The following RASA3 variants were observed in gnomAD, a reference collection of about 807,000 sequenced individuals.
RASA3 encodes the protein RAS p21 protein activator 3.
RASA3 carries 73 observed loss-of-function variants against 110.0 expected under a neutral mutation model. That is an observed-to-expected ratio of 0.66 (90% CI 0.55 to 0.81). The LOEUF is 0.81. RASA3 is among the 30% of genes least tolerant of loss of function. RASA3 has a pLI of 0.00. For synonymous variants in RASA3, 500 were observed against 451.4 expected (o/e 1.11, Z -1.37); for missense variants, 976 against 1,113.2 (o/e 0.88, Z 1.75).
intron 3 of RASA3, among the ~76,000 whole-genome samples, chr13:114,041,779 C>T (rs549247097): frequency 3.9e-5 from 6 of 152,244 alleles, no homozygotes; most frequent in African/African-American, 1.2e-4. Context: ...CACCTTCCCA[C>T]GCGACGTGGG....
In RASA3 at chr13:114,011,322, G is replaced by A. The variant is rs1305525198; in HGVS notation, c.1513-74C>T. On this transcript the variant is annotated intron_variant, in intron 15 of 23. Coordinates refer to ENST00000334062, the MANE Select transcript of RASA3 (RefSeq NM_007368.4). The surrounding 1 kb of genome is among the most constrained non-coding windows in gnomAD (Gnocchi z 4.8). ...TGTGACTGTCCCAGATCGAGGGGAC[G>A]AAATGCAGGAGTCACCTCAGAGCTG... 6.2e-6 allele frequency: 8 copies of A among 1,288,934 alleles called. No homozygotes were observed. The highest frequency in any genetic ancestry group is 2.5e-5 in the South Asian group (2 of 80,666). 79.8% of individuals were successfully genotyped at this position (1,288,934 alleles called of 1,614,324 possible). A position where few individuals can be genotyped will look rare whatever the true frequency, so the allele number is the denominator to read the frequency against.
At chr13:114,025,994 G>C (rs3818623) in intron 7 of RASA3, among the ~76,000 whole-genome samples, 1 of 151,930 alleles carries the variant, frequency 6.6e-6, no homozygotes, top group Non-Finnish European at 1.5e-5. Flanking sequence ...GGCCCCGCGC[G>C]TCCCACACAG....
chr13:114,093,388 C>T (rs755284334), intron 1 of RASA3, among the ~76,000 whole-genome samples: 1 of 152,240 alleles, frequency 6.6e-6, no homozygotes, highest in East Asian at 1.9e-4. Flanking sequence ...TATCATCCCA[C>T]TCCCTCCTGG....
intron 13 of RASA3, among the ~76,000 whole-genome samples, chr13:114,015,964 C>A (rs1001931012): frequency 6.6e-6 from 1 of 152,030 alleles, no homozygotes; most frequent in Non-Finnish European, 1.5e-5. Flanking sequence ...AAGAGCTGGC[C>A]GGGACCCCCC....
chr13:113,999,993 A>C (rs1302611298), intron 19 of RASA3, among the ~76,000 whole-genome samples: 1 of 18,888 alleles, frequency 5.3e-5, no homozygotes. Context: ...CTGTCAGGGG[A>C]TCTCTACCGG....
chr13:114,031,555 C>T (rs1452190861), intron 4 of RASA3, among the ~76,000 whole-genome samples: 2 of 151,122 alleles, frequency 1.3e-5, no homozygotes, highest in Non-Finnish European at 3.0e-5. Context: ...TGTGTTTGTC[C>T]GCCTGTCTGT....
chr13:114,099,485 C>A lies in RASA3; in HGVS notation c.56-25648G>T, dbSNP rs532009060. Among the ~76,000 whole-genome samples, 10 of 151,884 alleles carry A rather than the reference C, an allele frequency of 6.6e-5. No individual in the cohort carries two copies. In the South Asian group the frequency reaches 2.1e-3, roughly 32 times the overall value. On this transcript the variant is annotated intron_variant, in intron 1 of 23. Transcript: ENST00000334062. ...CCGGGGTGTCCGGGAATGACTCAGGCCTCTGGTCAGCGCTTCTCAGACCTG... is the reference window on the plus strand; with the variant it reads ...CCGGGGTGTCCGGGAATGACTCAGGACTCTGGTCAGCGCTTCTCAGACCTG...
chr13:114,035,351 T>C (rs953648905), intron 4 of RASA3, among the ~76,000 whole-genome samples: 1 of 152,192 alleles, frequency 6.6e-6, no homozygotes, highest in Non-Finnish European at 1.5e-5. Flanking sequence ...GCTGCACTCC[T>C]GCGAACTCAC....
intron 2 of RASA3, 122 bp from the exon 3 acceptor site, chr13:114,052,277 G>T (rs756580513): frequency 9.5e-6 from 6 of 633,838 alleles, no homozygotes; most frequent in Non-Finnish European, 1.7e-5. Flanking sequence ...TGTGTGGCAC[G>T]CATGAGACAT....
At position 114,000,836 on chromosome 13, in the gene RASA3, G is replaced by C; in HGVS notation, c.1839C>G (p.His613Gln). Reference sequence around the variant, plus strand: ...GACCTTGCTCCTTACCTTTGCTTTTGTGGTAGGTAAATTCATGGTTGGTCA... The same window carrying C: ...GACCTTGCTCCTTACCTTTGCTTTTCTGGTAGGTAAATTCATGGTTGGTCA... ...FRLTNHEFTYHKSKGDQPLYS... is the reference protein window; with the variant it reads ...FRLTNHEFTYQKSKGDQPLYS... The change falls in exon 19 of 24, where the codon CAC becomes CAG. Residue 613 changes from histidine to glutamine, a missense_variant. His to Gln is a conservative substitution (Grantham distance 24). Around this residue, in one of 4 missense-constraint regions of RASA3, gnomAD observed 109 missense variants for 162.5 expected, o/e 0.67. Transcript: ENST00000334062. The C allele has an allele frequency of 6.2e-7, 1 of 1,609,078 alleles. No homozygotes were observed. The highest frequency in any genetic ancestry group is 8.5e-7 in the Non-Finnish European group (1 of 1,175,474).
intron 3 of RASA3, 134 bp from the exon 4 acceptor site, chr13:114,041,228 CGGGG>C: frequency 1.3e-6 from 1 of 777,346 alleles, no homozygotes; most frequent in Non-Finnish European, 2.1e-6. Flanking sequence ...CGGCCGGGTG[CGGGG>C]CTCATGCCTG....
At chr13:114,073,875 G>A in intron 1 of RASA3, 38 bp from the exon 2 acceptor site, 1 of 1,518,908 alleles carries the variant, frequency 6.6e-7, no homozygotes, top group South Asian at 1.1e-5. Flanking sequence ...CAGCAGCGTA[G>A]AAATGTTTGT....
Position 114,021,259 on chromosome 13 carries a change from G to T in RASA3, c.785+145C>A, listed in dbSNP as rs2053921911. 25 of 671,968 alleles carry T rather than the reference G, an allele frequency of 3.7e-5. 1 individual carries two copies. In the South Asian group the frequency reaches 4.7e-4, roughly 13 times the overall value. The allele number at this position is 671,968 out of a possible 1,614,324, so 41.6% of individuals were successfully genotyped here. A position where few individuals can be genotyped will look rare whatever the true frequency, so the allele number is the denominator to read the frequency against. ...AAACTCATCAAGCCAGAGCTCGTCAGAGCTACATGCAAAGTAAGAGCAGGT... is the reference window on the plus strand; with the variant it reads ...AAACTCATCAAGCCAGAGCTCGTCATAGCTACATGCAAAGTAAGAGCAGGT... On this transcript the variant is annotated intron_variant, in intron 9 of 23. Transcript: ENST00000334062.
At chr13:114,030,367 C>G (rs563513317) in intron 4 of RASA3, among the ~76,000 whole-genome samples, 2 of 150,532 alleles carry the variant, frequency 1.3e-5, no homozygotes, top group Non-Finnish European at 2.9e-5. Context: ...GGGCAAGGCT[C>G]ACACAGAGGG....
rs959428741 is a variant in RASA3 at position 114,096,611 on chromosome 13, T to C, written c.56-22774A>G. The stretch of plus-strand genomic sequence containing the variant: ...TTGCTCCTATGGGAACAACTGCTCC[T>C]TTCCAGCCAAATGACCCATTTCCCA... On this transcript the variant is annotated intron_variant, in intron 1 of 23. Coordinates refer to ENST00000334062, the MANE Select transcript of RASA3 (RefSeq NM_007368.4). This position sits in a 1 kb window ranked among gnomAD's most constrained non-coding sequence, Gnocchi z 5.1. Among the ~76,000 whole-genome samples the C allele has an allele frequency of 6.6e-6, 1 of 152,168 alleles. No individual in the cohort carries two copies. The highest frequency in any genetic ancestry group is 2.4e-5 in the African/African-American group (1 of 41,442).
intron 4 of RASA3, among the ~76,000 whole-genome samples, chr13:114,039,227 C>CA (rs927303371): frequency 6.6e-6 from 1 of 152,094 alleles, no homozygotes; most frequent in African/African-American, 2.4e-5. Context: ...CATACTCAGA[C>CA]ACTCACCCTC....
intron 1 of RASA3, among the ~76,000 whole-genome samples, chr13:114,090,171 G>A (rs536954952): frequency 6.6e-6 from 1 of 152,326 alleles, no homozygotes; most frequent in Non-Finnish European, 1.5e-5. Flanking sequence ...ACCAACGGGT[G>A]GGGCCGCACG....
intron 1 of RASA3, among the ~76,000 whole-genome samples, chr13:114,091,119 T>A (rs549806918): frequency 6.6e-6 from 1 of 152,288 alleles, no homozygotes; most frequent in African/African-American, 2.4e-5. Context: ...GAGCTAGCAT[T>A]TCAACTTTAA....
chr13:114,020,302 T>C (rs1355381021), intron 9 of RASA3, among the ~76,000 whole-genome samples: 1 of 151,964 alleles, frequency 6.6e-6, no homozygotes, highest in Non-Finnish European at 1.5e-5. Context: ...TCTGAGGCAT[T>C]AGCCGCCCCC....
Sources: allele counts gnomAD v4.1 joint callset (sites outside exome capture counted in the v4.1 genomes callset), GRCh38; gene constraint gnomAD v4.1.1; regional missense constraint gnomAD v4.1.1; non-coding constraint Gnocchi (gnomAD v3.1); transcripts MANE v1.5; gene names NCBI Gene and HGNC (gene_info 2026-07-23, HGNC 2026-07-21).